The following GRAMD1B variants were observed in gnomAD, a reference collection of about 807,000 sequenced individuals.
The protein encoded by GRAMD1B is GRAM domain containing 1B.
In GRAMD1B, 37 loss-of-function variants were observed where a neutral mutation model predicts 99.7. That is an observed-to-expected ratio of 0.37 (90% CI 0.29 to 0.49). The LOEUF (loss-of-function observed/expected upper bound fraction) is 0.49, where lower values mean the gene tolerates loss of function less well. Ranked by LOEUF, GRAMD1B falls within the 20% of genes least tolerant of loss-of-function variation. The pLI is 0.98. For missense variants in GRAMD1B, 888 were observed against 1,009.2 expected (o/e 0.88, Z 1.63); for synonymous variants, 427 against 387.6 (o/e 1.10, Z -1.19).
intron 2 of GRAMD1B, among the ~76,000 whole-genome samples, chr11:123,539,624 CA>C (rs1944309809): frequency 6.6e-6 from 1 of 151,928 alleles, no homozygotes; most frequent in Admixed American, 6.6e-5. Flanking sequence ...AAACAAAACC[CA>C]AACCCTGAAT....
intron 1 of GRAMD1B, among the ~76,000 whole-genome samples, chr11:123,416,481 C>T (rs1189112302): frequency 1.3e-5 from 2 of 152,100 alleles, no homozygotes; most frequent in Non-Finnish European, 2.9e-5. Flanking sequence ...TTTTCTACTC[C>T]CCGCTACTCC....
intron 2 of GRAMD1B, among the ~76,000 whole-genome samples, chr11:123,513,195 C>T (rs1442887375): frequency 2.6e-5 from 4 of 152,274 alleles, no homozygotes; most frequent in Non-Finnish European, 5.9e-5. Context: ...TTCCCCTAGC[C>T]GCAATGTACT....
At chr11:123,443,341 C>A (rs1949494984) in intron 1 of GRAMD1B, among the ~76,000 whole-genome samples, 1 of 152,058 alleles carries the variant, frequency 6.6e-6, no homozygotes, top group East Asian at 1.9e-4. Flanking sequence ...TTATTCTGAG[C>A]CAAATACAAG....
At chr11:123,368,090 C>T (rs867183153) in intron 1 of GRAMD1B, among the ~76,000 whole-genome samples, 3 of 151,162 alleles carry the variant, frequency 2.0e-5, no homozygotes, top group Non-Finnish European at 4.4e-5. Flanking sequence ...CCTGTCTCTA[C>T]TAAAAATACA....
intron 1 of GRAMD1B, among the ~76,000 whole-genome samples, chr11:123,457,976 A>G (rs1309026818): frequency 6.6e-6 from 1 of 152,216 alleles, no homozygotes; most frequent in Admixed American, 6.5e-5. Flanking sequence ...TCGGCCTCCC[A>G]AAATGTTGGG....
At chr11:123,540,681 G>T (rs1490898306) in intron 2 of GRAMD1B, among the ~76,000 whole-genome samples, 1 of 151,736 alleles carries the variant, frequency 6.6e-6, no homozygotes. Flanking sequence ...AACGAAATTG[G>T]TCATAATACC....
At chr11:123,486,904 A>G (rs371958289) in intron 2 of GRAMD1B, among the ~76,000 whole-genome samples, 2 of 152,060 alleles carry the variant, frequency 1.3e-5, no homozygotes, top group Non-Finnish European at 2.9e-5. Flanking sequence ...CCCTGTCTCT[A>G]CTAAAAATAC....
rs146902175 is a variant in GRAMD1B, at chr11:123,539,771, A to G, written c.453-37596A>G. Among the ~76,000 whole-genome samples the G allele has an allele frequency of 4.1e-3, 628 of 152,246 alleles. 11 individuals are homozygous for G. The highest frequency in any genetic ancestry group is 0.014 in the African/African-American group (596 of 41,532). On this transcript the variant is annotated intron_variant, in intron 2 of 19. Coordinates refer to ENST00000635736, the MANE Select transcript of GRAMD1B (RefSeq NM_001387025.1). The stretch of plus-strand genomic sequence containing the variant: ...ATTGCAGCTACCGACACCCTCATCC[A>G]TTGCAGGGCATGTCACATACCGTTT...
chr11:123,431,360 C>G (rs895371819), intron 1 of GRAMD1B, among the ~76,000 whole-genome samples, 194 bp downstream of exon 1: 1 of 152,270 alleles, frequency 6.6e-6, no homozygotes, highest in Non-Finnish European at 1.5e-5. Flanking sequence ...CGCTCCCCAA[C>G]TCAGGGTGAG....
intron 1 of GRAMD1B, among the ~76,000 whole-genome samples, chr11:123,389,949 G>A (rs1947213518): frequency 6.6e-6 from 1 of 152,012 alleles, no homozygotes; most frequent in African/African-American, 2.4e-5. Flanking sequence ...TAGAGACAGG[G>A]TTTCACCATG....
intron 14 of GRAMD1B, among the ~76,000 whole-genome samples, chr11:123,611,425 C>G (rs1193981754): frequency 6.6e-6 from 1 of 152,076 alleles, no homozygotes; most frequent in South Asian, 2.1e-4. Flanking sequence ...CAGAGTAAGA[C>G]CCTATCTCTT....
chr11:123,527,631 A>C (rs1035728734), intron 2 of GRAMD1B, among the ~76,000 whole-genome samples: 2 of 152,204 alleles, frequency 1.3e-5, no homozygotes, highest in Non-Finnish European at 2.9e-5. Flanking sequence ...GGTCCAGACC[A>C]GCAGCTAAAG....
chr11:123,538,634 T>A (rs850289), intron 2 of GRAMD1B, among the ~76,000 whole-genome samples: 13,245 of 151,954 alleles, frequency 0.087, 618 homozygotes, highest in East Asian at 0.18. Flanking sequence ...ATTTTATTTT[T>A]TTTTGAGACA....
At chr11:123,399,777 G>A (rs770440373) in intron 1 of GRAMD1B, among the ~76,000 whole-genome samples, 43 of 152,024 alleles carry the variant, frequency 2.8e-4, no homozygotes, top group Non-Finnish European at 6.0e-4. Context: ...ACGCCACCAC[G>A]TCTGGCTAAT....
rs1483025236 is a variant in GRAMD1B at position 123,445,808 on chromosome 11, C to A, written c.374+14642C>A. Among the ~76,000 whole-genome samples the A allele has an allele frequency of 5.7e-5, 6 of 104,754 alleles. No homozygotes were observed. The Admixed American group carries it at 5.8e-4, about 10-fold the overall frequency. 68.7% of individuals were successfully genotyped at this position (104,754 alleles called of 152,430 possible). A position where few individuals can be genotyped will look rare whatever the true frequency, so the allele number is the denominator to read the frequency against. ...CACTTCAGCCTGGGGAACAGAGTGACACTTGTCTCCAAAAAAAAAAAAAAA... is the reference window on the plus strand; with the variant it reads ...CACTTCAGCCTGGGGAACAGAGTGAAACTTGTCTCCAAAAAAAAAAAAAAA... On this transcript the variant is annotated intron_variant, in intron 1 of 19. Transcript: ENST00000635736.
rs1948811511 is a variant in GRAMD1B at position 123,430,301 on chromosome 11, C to T, written c.-492C>T. ...TCTCTGTCTCTCTCTCCCTTTCCCT[C>T]CTACCACTGCCTCTTCCTCCCGCTC... On this transcript the variant is annotated 5_prime_UTR_variant, in exon 1 of 20. Coordinates refer to ENST00000635736, the MANE Select transcript of GRAMD1B (RefSeq NM_001387025.1). The T allele has an allele frequency of 6.5e-6, 1 of 154,814 alleles. No individual in the cohort carries two copies. Among genetic ancestry groups the T allele is most frequent in the African/African-American group, 2.4e-5 (1 of 41,386 alleles). The allele number at this position is 154,814 out of a possible 1,614,324, so 9.6% of individuals were successfully genotyped here. A position where few individuals can be genotyped will look rare whatever the true frequency, so the allele number is the denominator to read the frequency against.
chr11:123,526,232 C>G, intron 2 of GRAMD1B: 1 of 1,434,768 alleles, frequency 7.0e-7, no homozygotes. Context: ...TGTGCTCGCC[C>G]CAGCACCCTC....
intron 1 of GRAMD1B, chr11:123,458,667 A>G (rs890798053): frequency 6.7e-6 from 1 of 150,262 alleles, no homozygotes; most frequent in Admixed American, 6.7e-5. Context: ...TATCCTAGAT[A>G]AGGAAACAGT....
chr11:123,507,603 A>G (rs1376374614), intron 2 of GRAMD1B, among the ~76,000 whole-genome samples: 1 of 152,236 alleles, frequency 6.6e-6, no homozygotes, highest in Non-Finnish European at 1.5e-5. Context: ...TTAAATTAAA[A>G]TAAGGTGAAC....
Sources: allele counts gnomAD v4.1 joint callset (sites outside exome capture counted in the v4.1 genomes callset), GRCh38; gene constraint gnomAD v4.1.1; transcripts MANE v1.5; gene names NCBI Gene and HGNC (gene_info 2026-07-23, HGNC 2026-07-21).